The following ABCC6 variants were observed in gnomAD, a reference collection of about 807,000 sequenced individuals.
The protein encoded by ABCC6 is ATP-binding cassette sub-family C member 6.
Under a neutral mutation model 169.5 loss-of-function variants are expected in ABCC6, and 126 were observed. The observed-to-expected ratio is 0.74, with a 90% CI of 0.64 to 0.86. ABCC6 has a LOEUF of 0.86. Among genes scored for constraint, ABCC6 ranks in the 40% least tolerant of loss-of-function variants. The probability of loss-of-function intolerance (pLI) is 0.00; values close to 1 mark genes in which losing one functional copy is unlikely to be tolerated. For synonymous variants in ABCC6, 752 were observed against 814.7 expected, an observed-to-expected ratio of 0.92 and a Z score of 1.31; for missense variants, 1,733 against 1,927.2, an observed-to-expected ratio of 0.90 and a Z score of 1.89.
At chr16:16,161,268 T>G (rs942964307) in intron 25 of ABCC6, among the ~76,000 whole-genome samples, 170 bp downstream of exon 25, 58 of 152,228 alleles carry the variant, frequency 3.8e-4, no homozygotes, top group African/African-American at 1.4e-3. Context: ...GGTTGCAAGT[T>G]CACCTTAGCT....
chr16:16,214,514 G>A (rs1253511079), intron 4 of ABCC6, 65 bp from the exon 5 acceptor site: 5 of 1,551,000 alleles, frequency 3.2e-6, no homozygotes, highest in East Asian at 2.4e-5. Context: ...GAGAGAAAAG[G>A]TTTCTGATCT....
At chr16:16,175,824 G>T in intron 20 of ABCC6, 87 bp downstream of exon 20, 1 of 1,479,694 alleles carries the variant, frequency 6.8e-7, no homozygotes, top group Non-Finnish European at 9.4e-7. Flanking sequence ...TTGGTTGCCC[G>T]CCTAACTGCC....
chr16:16,203,305 A>G, intron 8 of ABCC6, 105 bp downstream of exon 8: 2 of 1,551,090 alleles, frequency 1.3e-6, no homozygotes, highest in Non-Finnish European at 1.8e-6. Flanking sequence ...TGTCCCGAGC[A>G]CCAGACGTAT....
chr16:16,181,070 G>T (rs1443641524), intron 17 of ABCC6, among the ~76,000 whole-genome samples: 4 of 152,110 alleles, frequency 2.6e-5, no homozygotes, highest in Non-Finnish European at 5.9e-5. Context: ...TTGGGAGGCG[G>T]AGCTGGGTGG....
At chr16:16,159,675 C>T in intron 25 of ABCC6, 92 bp from the exon 26 acceptor site, 1 of 1,167,652 alleles carries the variant, frequency 8.6e-7, no homozygotes, top group South Asian at 1.3e-5. Context: ...TCTGGGAGGC[C>T]AGACCCAGGG....
intron 9 of ABCC6, among the ~76,000 whole-genome samples, chr16:16,198,641 G>A (rs2048133331): frequency 6.6e-6 from 1 of 151,666 alleles, no homozygotes; most frequent in Non-Finnish European, 1.5e-5. Flanking sequence ...TTGATCCCAG[G>A]AGTTCGAAAC....
chr16:16,150,290 T>G, intron 30 of ABCC6, 49 bp from the exon 31 acceptor site: 1 of 1,611,814 alleles, frequency 6.2e-7, no homozygotes, highest in Non-Finnish European at 8.5e-7. Flanking sequence ...CAGCCCAGGC[T>G]CTCGGCAGCT....
chr16:16,177,736 A>C, intron 18 of ABCC6, 110 bp from the exon 19 acceptor site: 1 of 1,343,114 alleles, frequency 7.4e-7, no homozygotes, highest in Non-Finnish European at 1.0e-6. Context: ...TGAGGCCAGA[A>C]GTTCGAGACC....
chr16:16,159,648 C>T lies in ABCC6; in HGVS notation c.3634-65G>A, dbSNP rs568317206. The T allele has an allele frequency of 7.4e-4, 1,098 of 1,476,114 alleles. 3 individuals are homozygous for T. Among genetic ancestry groups the T allele is most frequent in the Non-Finnish European group, 9.4e-4 (1,000 of 1,062,774 alleles). 91.4% of individuals were successfully genotyped at this position (1,476,114 alleles called of 1,614,324 possible). A position where few individuals can be genotyped will look rare whatever the true frequency, so the allele number is the denominator to read the frequency against. ...CACTTGAGGGCTTGCAACAGCCCCC[C>T]TGGTTTCCCAACCTTTTCTGGGAGG... On this transcript the variant is annotated intron_variant, in intron 25 of 30. Transcript: ENST00000205557.
At chr16:16,179,528 G>A (rs2047400899) in intron 17 of ABCC6, among the ~76,000 whole-genome samples, 1 of 152,058 alleles carries the variant, frequency 6.6e-6, no homozygotes, top group South Asian at 2.1e-4. Flanking sequence ...CCGGGGGATG[G>A]TTTCAGGACG....
At chr16:16,210,482 G>GTT (rs2152291753) in intron 6 of ABCC6, among the ~76,000 whole-genome samples, 1 of 152,204 alleles carries the variant, frequency 6.6e-6, no homozygotes, top group East Asian at 1.9e-4. Context: ...GGAAGCAACC[G>GTT]TTCTGACATA....
At chr16:16,220,737 A>G (rs2238466) in intron 2 of ABCC6, among the ~76,000 whole-genome samples, 10 of 152,232 alleles carry the variant, frequency 6.6e-5, no homozygotes, top group African/African-American at 1.2e-4. Context: ...TTCTACTAAA[A>G]ATACAAAAAA....
intron 25 of ABCC6, among the ~76,000 whole-genome samples, 168 bp from the exon 26 acceptor site, chr16:16,159,751 T>C (rs1011276638): frequency 7.2e-5 from 11 of 152,124 alleles, no homozygotes; most frequent in Non-Finnish European, 1.3e-4. Flanking sequence ...GGGATTTGGA[T>C]ACAACCAACA....
chr16:16,149,617 G>C lies in ABCC6; in HGVS notation c.*516C>G, dbSNP rs932862202. The C allele has an allele frequency of 2.2e-5, 6 of 266,954 alleles. No individual in the cohort carries two copies. Among genetic ancestry groups the C allele is most frequent in the Non-Finnish European group, 4.4e-5 (6 of 137,558 alleles). The allele number at this position is 266,954 out of a possible 1,614,324, so 16.5% of individuals were successfully genotyped here. A position where few individuals can be genotyped will look rare whatever the true frequency, so the allele number is the denominator to read the frequency against. The stretch of plus-strand genomic sequence containing the variant: ...ATTGTTGTGTCAATGTCAACACCCT[G>C]GCTGTGATGCTTTATCCTAGAGTTT... On this transcript the variant is annotated 3_prime_UTR_variant, in exon 31 of 31. Transcript: ENST00000205557.
chr16:16,152,215 A>AAAG (rs2046406534), intron 29 of ABCC6, among the ~76,000 whole-genome samples: 1 of 146,822 alleles, frequency 6.8e-6, no homozygotes, highest in Non-Finnish European at 1.5e-5. Flanking sequence ...AAAAAAAAAA[A>AAAG]GTGTGTAGGC....
In ABCC6 at chr16:16,187,283, A is replaced by G; in HGVS notation, c.1780-72T>C. ...CTCAGGTTTTGGGTGTCGGTGTCTC[A>G]AGATGTGTGGCAACAGCTTCCTGTC... is the stretch of plus-strand genomic sequence containing the variant. On this transcript the variant is annotated intron_variant, in intron 13 of 30. Coordinates refer to ENST00000205557, the MANE Select transcript of ABCC6 (RefSeq NM_001171.6). 4.7e-6 allele frequency: 6 copies of G among 1,274,586 alleles called. No homozygotes were observed. In the Middle Eastern group the frequency reaches 1.1e-3, roughly 233 times the overall value. The allele number at this position is 1,274,586 out of a possible 1,614,324, so 79.0% of individuals were successfully genotyped here. A position where few individuals can be genotyped will look rare whatever the true frequency, so the allele number is the denominator to read the frequency against.
At chr16:16,193,840 C>A (rs2047946275) in intron 10 of ABCC6, among the ~76,000 whole-genome samples, 1 of 152,194 alleles carries the variant, frequency 6.6e-6, no homozygotes. Flanking sequence ...CAGCTGCAGA[C>A]CCCGAAGGTG....
In ABCC6 at chr16:16,162,983, C is replaced by T; in HGVS notation, c.3506+10G>A. The T allele has an allele frequency of 1.9e-6, 3 of 1,614,056 alleles. No homozygotes were observed. The highest frequency in any genetic ancestry group is 2.5e-6 in the Non-Finnish European group (3 of 1,180,020). On this transcript the variant is annotated intron_variant, in intron 24 of 30. Transcript: ENST00000205557. ...AATTGCAAGGTCTTCTCTGCCCTGG[C>T]TCTTCCTACCTGTCAGCCACCAGTC...
Position 16,150,741 on chromosome 16 carries a change from G to C in ABCC6, c.4240C>G (p.Arg1414Gly). 1 of 1,613,876 alleles carries C rather than the reference G, an allele frequency of 6.2e-7. No homozygotes were observed. The highest frequency in any genetic ancestry group is 1.1e-5 in the South Asian group (1 of 91,048). Residue 1414 changes from arginine to glycine, a missense_variant, in exon 30 of 31, where the codon CGT becomes GGT. This residue lies in a region of ABCC6 where 1,601 missense variants were observed against 1,635.5 expected (regional missense o/e 0.98). Coordinates refer to ENST00000205557, the MANE Select transcript of ABCC6 (RefSeq NM_001171.6). ...ATCTGGGTCTTCCGGAGAAGGGCAC[G>C]TGCCAGACACAGGAGCTGTTTCTGG... ...VGQKQLLCLA[R>G]ALLRKTQILI...
Sources: gnomAD v4.1 joint callset for allele counts (sites outside exome capture counted in the v4.1 genomes callset) on GRCh38, gnomAD v4.1.1 for gene constraint, gnomAD v4.1.1 regional missense constraint, MANE v1.5 for transcripts, NCBI Gene and HGNC (gene_info 2026-07-23, HGNC 2026-07-21) for gene names.